GRIN2C: variants seen among roughly 807,000 people sequenced by gnomAD.
GRIN2C encodes glutamate ionotropic receptor NMDA type subunit 2C, also known as glutamate receptor ionotropic, NMDA 2C.
In GRIN2C, 64 loss-of-function variants were observed where a neutral mutation model predicts 77.7. That is an observed-to-expected ratio of 0.82 (90% CI 0.67 to 1.01). The LOEUF is 1.01. Among genes scored for constraint, GRIN2C ranks in the 50% least tolerant of loss-of-function variants. The pLI, the probability that GRIN2C is intolerant of heterozygous loss-of-function variation, is 0.00. For synonymous variants in GRIN2C, 792 were observed against 643.4 expected (o/e 1.23, Z -3.49); for missense variants, 1,549 against 1,486.0 (o/e 1.04, Z -0.70).
Position 74,847,272 on chromosome 17 carries a change from G to GT in GRIN2C, c.2001+35_2001+36insA. The GT allele has an allele frequency of 2.9e-5, 20 of 692,326 alleles. No individual in the cohort carries two copies. The highest frequency in any genetic ancestry group is 3.2e-4 in the Middle Eastern group (1 of 3,114). 42.9% of individuals were successfully genotyped at this position (692,326 alleles called of 1,614,324 possible). ...CTCACGGCCTGTCCCCACCCTCAGT[G>GT]CCCCCCCCCACCCCCAGCAGCTATG... On this transcript the variant is annotated intron_variant, in intron 9 of 12. Coordinates refer to ENST00000293190, the MANE Select transcript of GRIN2C (RefSeq NM_000835.6). This position sits in a 1 kb window ranked among gnomAD's most constrained non-coding sequence, Gnocchi z 5.2.
intron 2 of GRIN2C, chr17:74,852,830 G>T (rs1439377403): frequency 7.2e-6 from 3 of 418,098 alleles, no homozygotes; most frequent in Non-Finnish European, 8.4e-6. Flanking sequence ...ACGCTGGCCC[G>T]CAGACCCGCA....
intron 12 of GRIN2C, chr17:74,843,970 C>T: frequency 2.0e-6 from 1 of 512,478 alleles, no homozygotes; most frequent in East Asian, 3.5e-5. Context: ...GCCTTCTTGG[C>T]TCAAGCGATC....
chr17:74,859,410 C>T lies in GRIN2C; in HGVS notation c.-16+334G>A, dbSNP rs1375284173. On this transcript the variant is annotated intron_variant, in intron 1 of 12. Coordinates refer to ENST00000293190, the MANE Select transcript of GRIN2C (RefSeq NM_000835.6). The surrounding 1 kb of genome is among the most constrained non-coding windows in gnomAD (Gnocchi z 5.9). Reference sequence around the variant, plus strand: ...CACATGCACACTCCCGCACTCATACCCGCTCACATCTGAGATACCGATGGC... The same window carrying T: ...CACATGCACACTCCCGCACTCATACTCGCTCACATCTGAGATACCGATGGC... Among the ~76,000 whole-genome samples, 2 of 152,060 alleles carry T rather than the reference C, an allele frequency of 1.3e-5. No individual in the cohort carries two copies. Among genetic ancestry groups the T allele is most frequent in the Non-Finnish European group, 2.9e-5 (2 of 68,000 alleles).
Position 74,851,642 on chromosome 17 carries a change from C to A in GRIN2C, c.1048G>T (p.Gly350Cys). 6.3e-7 allele frequency: 1 copy of A among 1,575,134 alleles called. No individual in the cohort carries two copies. The highest frequency in any genetic ancestry group is 8.6e-7 in the Non-Finnish European group (1 of 1,159,546). ...WEGRDFSFSP[G>C]GYLVQPTMVV... ...ATGGTGGGCTGGACCAGGTACCCAC[C>A]AGGGCTGAAGGAGAAGTCTCGGCCC... is the stretch of plus-strand genomic sequence containing the variant. Residue 350 changes from glycine (G) to cysteine (C), a missense_variant, in exon 4 of 13, where the codon GGT (glycine) becomes TGT (cysteine). Physicochemically the swap from Gly to Cys is radical, Grantham distance 159. Coordinates refer to ENST00000293190, the MANE Select transcript of GRIN2C (RefSeq NM_000835.6).
rs757141944 is a variant in GRIN2C, at chr17:74,854,700, G to T, written c.393C>A (p.Thr131=). The change falls in exon 2 of 13, where the codon ACC becomes ACA. Residue 131 remains threonine (T), a synonymous_variant. Coordinates refer to ENST00000293190, the MANE Select transcript of GRIN2C (RefSeq NM_000835.6). ...CATGAGTTTGGACATGCACCTTGGG[G>T]GTGAGGACCACAGCAGAGCCTCCGC... is the stretch of plus-strand genomic sequence containing the variant. ...SISGGSAVVL[T]PKEPGSAFLQ... 2 of 1,605,798 alleles carry T rather than the reference G, an allele frequency of 1.2e-6. No homozygotes were observed. Among genetic ancestry groups the T allele is most frequent in the Non-Finnish European group, 1.7e-6 (2 of 1,173,354 alleles).
In GRIN2C at chr17:74,842,369, T is replaced by G; in HGVS notation, c.*66A>C. 1 of 714,746 alleles carries G rather than the reference T, an allele frequency of 1.4e-6. No individual in the cohort carries two copies. The highest frequency in any genetic ancestry group is 2.6e-6 in the Non-Finnish European group (1 of 387,492). The allele number at this position is 714,746 out of a possible 1,614,324, so 44.3% of individuals were successfully genotyped here. ...GAAGCCAGAAAAGCCCAATCCTGCC[T>G]GCCGCTTAACCCTGACAGTGGCAGG... is the stretch of plus-strand genomic sequence containing the variant. On this transcript the variant is annotated 3_prime_UTR_variant, in exon 13 of 13. Transcript: ENST00000293190.
At chr17:74,857,400 C>T (rs982179661) in intron 1 of GRIN2C, among the ~76,000 whole-genome samples, 10 of 152,082 alleles carry the variant, frequency 6.6e-5, no homozygotes, top group East Asian at 1.9e-4. Flanking sequence ...CTCATGGTGG[C>T]GCCCTTGAAA....
rs1407102232 is a variant in GRIN2C, at chr17:74,859,620, C to G, written c.-16+124G>C. 1 of 152,154 alleles carries G rather than the reference C, an allele frequency of 6.6e-6. No homozygotes were observed. The highest frequency in any genetic ancestry group is 6.5e-5 in the Admixed American group (1 of 15,284). 9.4% of individuals were successfully genotyped at this position (152,154 alleles called of 1,614,324 possible). A position where few individuals can be genotyped will look rare whatever the true frequency, so the allele number is the denominator to read the frequency against. ...GAGAGGACCGCCGTTCTAGCTTGCCCCACTGCTGGGGGCACGGAGTTCTTG... is the reference window on the plus strand; with the variant it reads ...GAGAGGACCGCCGTTCTAGCTTGCCGCACTGCTGGGGGCACGGAGTTCTTG... On this transcript the variant is annotated intron_variant, in intron 1 of 12. Coordinates refer to ENST00000293190, the MANE Select transcript of GRIN2C (RefSeq NM_000835.6). This position sits in a 1 kb window ranked among gnomAD's most constrained non-coding sequence, Gnocchi z 5.9.
chr17:74,855,189 A>T (rs945117066), intron 1 of GRIN2C, 82 bp from the exon 2 acceptor site: 17 of 1,125,988 alleles, frequency 1.5e-5, no homozygotes, highest in Non-Finnish European at 2.0e-5. Context: ...GGACAGAGGG[A>T]CACACATACG....
At chr17:74,845,999 G>T in intron 11 of GRIN2C, 67 bp downstream of exon 11, 1 of 1,426,978 alleles carries the variant, frequency 7.0e-7, no homozygotes, top group African/African-American at 1.4e-5. Context: ...CTTGAGTGGT[G>T]GTGGAAATGC....
Position 74,847,786 on chromosome 17 carries a change from T to A in GRIN2C, c.1771+66A>T. The A allele has an allele frequency of 6.4e-7, 1 of 1,568,780 alleles. No homozygotes were observed. On this transcript the variant is annotated intron_variant, in intron 8 of 12. Coordinates refer to ENST00000293190, the MANE Select transcript of GRIN2C (RefSeq NM_000835.6). The surrounding 1 kb of genome is among the most constrained non-coding windows in gnomAD (Gnocchi z 5.2). ...CAAAGGTATTCTCTGAAGGACCCGTTGCCCCTGAGCCCAGCCCTCAGGGTG... is the reference window on the plus strand; with the variant it reads ...CAAAGGTATTCTCTGAAGGACCCGTAGCCCCTGAGCCCAGCCCTCAGGGTG...
chr17:74,843,142 C>T lies in GRIN2C; in HGVS notation c.2995G>A (p.Ala999Thr). The part of the protein sequence containing the change: ...SDVSRVSRRP[A>T]WEARWPVRTG... ...CGCACCGGCCACCGCGCCTCCCAGG[C>T]TGGGCGGCGCGACACTCGGGAGACG... is the stretch of plus-strand genomic sequence containing the variant. Residue 999 changes from alanine to threonine, a missense_variant, in exon 13 of 13, where the codon GCC becomes ACC. This residue lies in a region of GRIN2C where 450 missense variants were observed against 267.9 expected (regional missense o/e 1.68). Coordinates refer to ENST00000293190, the MANE Select transcript of GRIN2C (RefSeq NM_000835.6). 4.8e-6 allele frequency: 2 copies of T among 417,276 alleles called. No homozygotes were observed. The highest frequency in any genetic ancestry group is 7.2e-5 in the East Asian group (2 of 27,680). The allele number at this position is 417,276 out of a possible 1,614,324, so 25.8% of individuals were successfully genotyped here.
chr17:74,844,971 A>G (rs533607475), intron 11 of GRIN2C, among the ~76,000 whole-genome samples: 266 of 152,174 alleles, frequency 1.7e-3, no homozygotes, highest in Non-Finnish European at 2.8e-3. Flanking sequence ...GTGCTCTGTC[A>G]CCCAGGCTGG....
rs2037463403 is a variant in GRIN2C, at chr17:74,846,588, A to G, written c.2162+172T>C. On this transcript the variant is annotated intron_variant, in intron 10 of 12. Coordinates refer to ENST00000293190, the MANE Select transcript of GRIN2C (RefSeq NM_000835.6). The surrounding 1 kb of genome is among the most constrained non-coding windows in gnomAD (Gnocchi z 4.4). ...GCACCACAGCTGTGTTCTGAGACAC[A>G]TGGTGGCCTTCCATTTTTGCCTCAA... 6.6e-6 allele frequency among the ~76,000 whole-genome samples: 1 copy of G among 152,162 alleles called. No homozygotes were observed. The highest frequency in any genetic ancestry group is 1.9e-4 in the East Asian group (1 of 5,184).
chr17:74,859,399 C>T lies in GRIN2C; in HGVS notation c.-16+345G>A, dbSNP rs921893342. On this transcript the variant is annotated intron_variant, in intron 1 of 12. Transcript: ENST00000293190. The surrounding 1 kb of genome is among the most constrained non-coding windows in gnomAD (Gnocchi z 5.9). ...GGACCTGCACACACATGCACACTCCCGCACTCATACCCGCTCACATCTGAG... is the reference window on the plus strand; with the variant it reads ...GGACCTGCACACACATGCACACTCCTGCACTCATACCCGCTCACATCTGAG... 3.9e-5 allele frequency among the ~76,000 whole-genome samples: 6 copies of T among 152,180 alleles called. No homozygotes were observed. In the East Asian group the frequency reaches 1.2e-3, roughly 29 times the overall value.
chr17:74,847,591 G>C lies in GRIN2C; in HGVS notation c.1772-54C>G. On this transcript the variant is annotated intron_variant, in intron 8 of 12. Coordinates refer to ENST00000293190, the MANE Select transcript of GRIN2C (RefSeq NM_000835.6). The surrounding 1 kb of genome is among the most constrained non-coding windows in gnomAD (Gnocchi z 5.2). ...AGCTCCTCCTGCCCACCATGAAAGG[G>C]CTCAGGGCTCAGCCCACCCGACTGC... 1 of 1,305,302 alleles carries C rather than the reference G, an allele frequency of 7.7e-7. No individual in the cohort carries two copies. Among genetic ancestry groups the C allele is most frequent in the Middle Eastern group, 2.3e-4 (1 of 4,322 alleles). 80.9% of individuals were successfully genotyped at this position (1,305,302 alleles called of 1,614,324 possible).
Position 74,842,947 on chromosome 17 carries a change from C to T in GRIN2C, c.3190G>A (p.Glu1064Lys), listed in dbSNP as rs181060999. 1 of 556,244 alleles carries T rather than the reference C, an allele frequency of 1.8e-6. No homozygotes were observed. Among genetic ancestry groups the T allele is most frequent in the South Asian group, 2.2e-5 (1 of 45,922 alleles). 34.5% of individuals were successfully genotyped at this position (556,244 alleles called of 1,614,324 possible). A position where few individuals can be genotyped will look rare whatever the true frequency, so the allele number is the denominator to read the frequency against. Residue 1064 changes from glutamate (E) to lysine (K), a missense_variant, in exon 13 of 13, where the codon GAG becomes AAG. Transcript: ENST00000293190. ...GCCCAGGCCGCGTGCAGCAGGGCCT[C>T]CCGCCGGGCCAGCTGCTCCGGACCG... is the stretch of plus-strand genomic sequence containing the variant. ...LLGPEQLARR[E>K]ALLHAAWARG...
chr17:74,844,153 T>C (rs889514136), intron 12 of GRIN2C, 123 bp downstream of exon 12: 1 of 1,479,658 alleles, frequency 6.8e-7, no homozygotes, highest in Non-Finnish European at 8.9e-7. Context: ...AGATTACAGG[T>C]GTGAGCCATG....
At position 74,846,169 on chromosome 17, in the gene GRIN2C, C is replaced by T. The variant is rs1240483779; in HGVS notation, c.2247G>A (p.Gly749=). ...CAGTGGTAGCAAAGACCTTGCCAGA[C>T]CCAATGGTGACCAGCTTGCAGCCCT... The part of the protein sequence containing the change: ...KDEGCKLVTI[G]SGKVFATTGY... Residue 749 remains glycine, a synonymous_variant, in exon 11 of 13, where the codon GGG becomes GGA. Transcript: ENST00000293190. This position sits in a 1 kb window ranked among gnomAD's most constrained non-coding sequence, Gnocchi z 4.4. The T allele has an allele frequency of 6.2e-7, 1 of 1,614,200 alleles. No individual in the cohort carries two copies. Among genetic ancestry groups the T allele is most frequent in the Non-Finnish European group, 8.5e-7 (1 of 1,180,012 alleles).
Sources: allele counts gnomAD v4.1 joint callset (sites outside exome capture counted in the v4.1 genomes callset), GRCh38; gene constraint gnomAD v4.1.1; regional missense constraint gnomAD v4.1.1; non-coding constraint Gnocchi (gnomAD v3.1); transcripts MANE v1.5; gene names NCBI Gene and HGNC (gene_info 2026-07-23, HGNC 2026-07-21).